Variants in NPAP1 observed in about 807,000 individuals in gnomAD.
NPAP1 encodes the protein nuclear pore-associated protein 1.
For missense variants in NPAP1, 1,483 were observed against 1,454.5 expected (o/e 1.02, Z -0.32); for synonymous variants, 616 against 581.4 (o/e 1.06, Z -0.86).
chr15:24,682,676 T>G lies in NPAP1; in HGVS notation c.*3338T>G, dbSNP rs896825123. 1.8e-5 allele frequency: 3 copies of G among 167,082 alleles called. No individual in the cohort carries two copies. In the East Asian group the frequency reaches 5.8e-4, roughly 32 times the overall value. The allele number at this position is 167,082 out of a possible 1,614,324, so 10.3% of individuals were successfully genotyped here. On this transcript the variant is annotated 3_prime_UTR_variant, in exon 1 of 1. Coordinates refer to ENST00000329468, the MANE Select transcript of NPAP1 (RefSeq NM_018958.3). ...TTTTACTTCAACTATTATGTTATCT[T>G]ACAGATGTCATTGTTTTTCCTAAAA...
rs779832276 is a variant in NPAP1 at position 24,678,865 on chromosome 15, A to T, written c.2998A>T (p.Asn1000Tyr). ...TGGAGACAGTACCTTACTGGTTGGAAATACTATTCCAGGCCCACAAGTGAT... is the reference window on the plus strand; with the variant it reads ...TGGAGACAGTACCTTACTGGTTGGATATACTATTCCAGGCCCACAAGTGAT... ...GTGDSTLLVG[N>Y]TIPGPQVIMG... is the part of the protein sequence containing the mutation. Residue 1000 changes from asparagine (N) to tyrosine (Y), a missense_variant, in exon 1 of 1, where the codon AAT becomes TAT. By Grantham distance (143) the Asn-to-Tyr change is moderately radical. Coordinates refer to ENST00000329468, the MANE Select transcript of NPAP1 (RefSeq NM_018958.3). The T allele has an allele frequency of 1.1e-5, 17 of 1,614,066 alleles. No homozygotes were observed. In the African/African-American group the frequency reaches 2.0e-4, roughly 19 times the overall value.
Position 24,678,142 on chromosome 15 carries a change from G to C in NPAP1, c.2275G>C (p.Ala759Pro), listed in dbSNP as rs376409389. The C allele has an allele frequency of 1.9e-6, 3 of 1,610,184 alleles. No individual in the cohort carries two copies. In the East Asian group the frequency reaches 6.7e-5, roughly 36 times the overall value. Residue 759 changes from alanine (A) to proline (P), a missense_variant, in exon 1 of 1, where the codon GCT (alanine) becomes CCT (proline). By Grantham distance (27) the Ala-to-Pro change is conservative (BLOSUM62 -1). Coordinates refer to ENST00000329468, the MANE Select transcript of NPAP1 (RefSeq NM_018958.3). ...PAQSVRAPAT[A>P]SNHPLNPGAT... is the part of the protein sequence containing the mutation. Reference sequence around the variant, plus strand: ...ACAGTCAGTCAGGGCACCAGCTACAGCTTCCAACCATCCTTTAAATCCAGG... The same window carrying C: ...ACAGTCAGTCAGGGCACCAGCTACACCTTCCAACCATCCTTTAAATCCAGG...
rs748239452 is a variant in NPAP1, at chr15:24,678,409, A to G, written c.2542A>G (p.Ile848Val). The change falls in exon 1 of 1, where the codon ATC (isoleucine) becomes GTC (valine). Residue 848 changes from isoleucine to valine, a missense_variant. Physicochemically the swap from Ile to Val is conservative, Grantham distance 29. Transcript: ENST00000329468. ...STFVSRKEEY[I>V]RFYMGLPGSG... ...CTTTGTCTCCAGGAAGGAGGAGTAC[A>G]TCCGATTTTATATGGGGCTTCCTGG... 1.2e-5 allele frequency: 20 copies of G among 1,611,196 alleles called. No individual in the cohort carries two copies. Among genetic ancestry groups the G allele is most frequent in the Non-Finnish European group, 1.5e-5 (18 of 1,179,258 alleles).
Position 24,678,076 on chromosome 15 carries a change from G to A in NPAP1, c.2209G>A (p.Gly737Ser), listed in dbSNP as rs910298089. 3.1e-6 allele frequency: 5 copies of A among 1,613,626 alleles called. No individual in the cohort carries two copies. The highest frequency in any genetic ancestry group is 1.3e-5 in the African/African-American group (1 of 74,778). ...TGGTTCTGGGAACACACAACCCAGCGGCAACACTGCCTCAGTCCAAGGCTC... is the reference window on the plus strand; with the variant it reads ...TGGTTCTGGGAACACACAACCCAGCAGCAACACTGCCTCAGTCCAAGGCTC... ...LPGSGNTQPSGNTASVQGSTS... is the reference protein window; with the variant it reads ...LPGSGNTQPSSNTASVQGSTS... The change falls in exon 1 of 1, where the codon GGC (glycine) becomes AGC (serine). Residue 737 changes from glycine to serine, a missense_variant. Physicochemically the swap from Gly to Ser is moderately conservative, Grantham distance 56. Transcript: ENST00000329468.
chr15:24,677,985 C>T lies in NPAP1; in HGVS notation c.2118C>T (p.Ser706=), dbSNP rs2141311558. The part of the protein sequence containing the change: ...ETNAMHTTPP[S]KAVILQSASV... ...ATGCTATGCATACCACTCCTCCTTCCAAGGCTGTCATCTTGCAGTCTGCCT... is the reference window on the plus strand; with the variant it reads ...ATGCTATGCATACCACTCCTCCTTCTAAGGCTGTCATCTTGCAGTCTGCCT... The change falls in exon 1 of 1, where the codon TCC becomes TCT. Residue 706 remains serine, a synonymous_variant. Transcript: ENST00000329468. 6.2e-7 allele frequency: 1 copy of T among 1,613,922 alleles called. No individual in the cohort carries two copies. The highest frequency in any genetic ancestry group is 8.5e-7 in the Non-Finnish European group (1 of 1,180,006).
In NPAP1 at chr15:24,675,900, G is replaced by C. The variant is rs1162411246; in HGVS notation, c.33G>C (p.Gly11=). The C allele has an allele frequency of 1.3e-6, 2 of 1,578,060 alleles. No individual in the cohort carries two copies. The highest frequency in any genetic ancestry group is 1.7e-6 in the Non-Finnish European group (2 of 1,165,644). Residue 11 remains glycine (G), a synonymous_variant, in exon 1 of 1, where the codon GGG becomes GGC. Coordinates refer to ENST00000329468, the MANE Select transcript of NPAP1 (RefSeq NM_018958.3). The part of the protein sequence containing the change: MGNLLSKFRP[G]CRRRPLPGPG... ...ATTTACTTAGTAAATTTAGACCCGG[G>C]TGCCGCCGCCGGCCCCTGCCAGGGC...
rs1434072464 is a variant in NPAP1, at chr15:24,680,999, G to A, written c.*1661G>A. The A allele has an allele frequency of 6.0e-6, 1 of 167,076 alleles. No homozygotes were observed. Among genetic ancestry groups the A allele is most frequent in the Non-Finnish European group, 1.5e-5 (1 of 68,144 alleles). 10.3% of individuals were successfully genotyped at this position (167,076 alleles called of 1,614,324 possible). Reference sequence around the variant, plus strand: ...AAACGAAGCCTAGAGAGAAGCAGTTGAGCCAGATATATGAGCAAAGACCTT... The same window carrying A: ...AAACGAAGCCTAGAGAGAAGCAGTTAAGCCAGATATATGAGCAAAGACCTT... On this transcript the variant is annotated 3_prime_UTR_variant, in exon 1 of 1. Coordinates refer to ENST00000329468, the MANE Select transcript of NPAP1 (RefSeq NM_018958.3).
Position 24,677,237 on chromosome 15 carries a change from C to A in NPAP1, c.1370C>A (p.Thr457Lys). The A allele has an allele frequency of 6.2e-7, 1 of 1,614,104 alleles. No individual in the cohort carries two copies. The highest frequency in any genetic ancestry group is 8.5e-7 in the Non-Finnish European group (1 of 1,180,038). The change falls in exon 1 of 1, where the codon ACA (threonine) becomes AAA (lysine). Residue 457 changes from threonine (T) to lysine (K), a missense_variant. Coordinates refer to ENST00000329468, the MANE Select transcript of NPAP1 (RefSeq NM_018958.3). ...AAAATGGATGAGAAAATAGCATTCA[C>A]AATCCCTAACTCTCCTCTGGCTCTT... ...TPKMDEKIAF[T>K]IPNSPLALPA...
Position 24,678,975 on chromosome 15 carries a change from C to T in NPAP1, c.3108C>T (p.Leu1036=), listed in dbSNP as rs2141313844. 1 of 1,614,144 alleles carries T rather than the reference C, an allele frequency of 6.2e-7. No homozygotes were observed. The highest frequency in any genetic ancestry group is 8.5e-7 in the Non-Finnish European group (1 of 1,180,036). The change falls in exon 1 of 1, where the codon CTC becomes CTT. Residue 1036 remains leucine, a synonymous_variant. Transcript: ENST00000329468. Reference sequence around the variant, plus strand: ...GCCCCAGTTCCACATCAGGAGAACTCAACATTGGACAAGGACAGAGTGGGA... The same window carrying T: ...GCCCCAGTTCCACATCAGGAGAACTTAACATTGGACAAGGACAGAGTGGGA... The part of the protein sequence containing the change: ...APGPSSTSGE[L]NIGQGQSGTP...
Position 24,676,269 on chromosome 15 carries a change from G to A in NPAP1, c.402G>A (p.Ala134=), listed in dbSNP as rs2141307648. The A allele has an allele frequency of 2.6e-6, 4 of 1,518,800 alleles. No homozygotes were observed. In the South Asian group the frequency reaches 4.0e-5, roughly 15 times the overall value. 94.1% of individuals were successfully genotyped at this position (1,518,800 alleles called of 1,614,324 possible). A position where few individuals can be genotyped will look rare whatever the true frequency, so the allele number is the denominator to read the frequency against. The change falls in exon 1 of 1, where the codon GCG becomes GCA. Residue 134 remains alanine (A), a synonymous_variant. Coordinates refer to ENST00000329468, the MANE Select transcript of NPAP1 (RefSeq NM_018958.3). The stretch of plus-strand genomic sequence containing the variant: ...TGCTGCCTTCACCACGTGAGCCGGC[G>A]GTCAAGGCCAGGAAGCCCATCCCAG... ...TLLLPSPREP[A]VKARKPIPAT...
Position 24,676,838 on chromosome 15 carries a change from G to A in NPAP1, c.971G>A (p.Arg324Lys), listed in dbSNP as rs756200987. 1.9e-6 allele frequency: 3 copies of A among 1,613,126 alleles called. No homozygotes were observed. The highest frequency in any genetic ancestry group is 1.7e-6 in the Non-Finnish European group (2 of 1,180,024). ...GCTCCTCCCAGAGCTGCCCGCAACA[G>A]GCCCTGCAAAAGGAAAATGTCGATT... ...SAAPPRAARN[R>K]PCKRKMSIPL... The change falls in exon 1 of 1, where the codon AGG becomes AAG. Residue 324 changes from arginine to lysine, a missense_variant. Physicochemically the swap from Arg to Lys is conservative, Grantham distance 26. Transcript: ENST00000329468.
At position 24,676,374 on chromosome 15, in the gene NPAP1, C is replaced by G. The variant is rs764031857; in HGVS notation, c.507C>G (p.Ile169Met). 7 of 1,563,272 alleles carry G rather than the reference C, an allele frequency of 4.5e-6. No homozygotes were observed. The highest frequency in any genetic ancestry group is 6.0e-6 in the Non-Finnish European group (7 of 1,158,048). ...AGAAGGATGAGGATCCGGTGCAGAT[C>G]GAAGGGGAGGATGACGAGAAAAGGA... ...RVKKDEDPVQ[I>M]EGEDDEKRTP... Residue 169 changes from isoleucine to methionine, a missense_variant, in exon 1 of 1, where the codon ATC becomes ATG. By Grantham distance (10) the Ile-to-Met change is conservative. Transcript: ENST00000329468.
At chr15:24,676,038 C>CA in the NPAP1 span, 1 of 1,595,958 alleles carries the variant, frequency 6.3e-7, no homozygotes, top group South Asian at 1.1e-5. Context: ...ACGCCCGTCG[C>CA]AGGCCTTCAG....
At position 24,677,642 on chromosome 15, in the gene NPAP1, C is replaced by T. The variant is rs2141310803; in HGVS notation, c.1775C>T (p.Ser592Phe). The change falls in exon 1 of 1, where the codon TCC (serine) becomes TTC (phenylalanine). Residue 592 changes from serine (S) to phenylalanine (F), a missense_variant. Transcript: ENST00000329468. ...TCTCAGGTTGTTATTTTCACATCTT[C>T]CCTAAGCTCCAGAGTGAGCTCTCTC... is the stretch of plus-strand genomic sequence containing the variant. ...APSQVVIFTS[S>F]LSSRVSSLPN... The T allele has an allele frequency of 6.2e-7, 1 of 1,614,218 alleles. No homozygotes were observed. Among genetic ancestry groups the T allele is most frequent in the Non-Finnish European group, 8.5e-7 (1 of 1,180,032 alleles).
rs189182409 is a variant in NPAP1 at position 24,680,631 on chromosome 15, T to C, written c.*1293T>C. 1 of 166,880 alleles carries C rather than the reference T, an allele frequency of 6.0e-6. No individual in the cohort carries two copies. The highest frequency in any genetic ancestry group is 2.4e-5 in the African/African-American group (1 of 41,268). 10.3% of individuals were successfully genotyped at this position (166,880 alleles called of 1,614,324 possible). On this transcript the variant is annotated 3_prime_UTR_variant, in exon 1 of 1. Transcript: ENST00000329468. ...GTTTGTGTGTGTGTGTGTGTGTTTA[T>C]TGGTGAGTGTGGAGCAGATGAGCCC...
chr15:24,677,315 C>T lies in NPAP1; in HGVS notation c.1448C>T (p.Ser483Phe), dbSNP rs1425098429. The T allele has an allele frequency of 5.6e-6, 9 of 1,614,156 alleles. No homozygotes were observed. The highest frequency in any genetic ancestry group is 6.8e-6 in the Non-Finnish European group (8 of 1,180,028). Residue 483 changes from serine (S) to phenylalanine (F), a missense_variant, in exon 1 of 1, where the codon TCT becomes TTT. Transcript: ENST00000329468. The part of the protein sequence containing the change: ...LGDQSNEKGG[S>F]YNSVVGAAPL... The stretch of plus-strand genomic sequence containing the variant: ...GATCAGTCTAATGAGAAAGGAGGCT[C>T]TTATAATTCAGTCGTAGGAGCAGCG...
rs902827866 is a variant in NPAP1 at position 24,677,241 on chromosome 15, C to T, written c.1374C>T (p.Ile458=). The T allele has an allele frequency of 1.2e-6, 2 of 1,614,108 alleles. No homozygotes were observed. The highest frequency in any genetic ancestry group is 1.7e-6 in the Non-Finnish European group (2 of 1,180,044). ...TGGATGAGAAAATAGCATTCACAAT[C>T]CCTAACTCTCCTCTGGCTCTTCCTG... ...PKMDEKIAFT[I]PNSPLALPAD... The change falls in exon 1 of 1, where the codon ATC becomes ATT. Residue 458 remains isoleucine (I), a synonymous_variant. Coordinates refer to ENST00000329468, the MANE Select transcript of NPAP1 (RefSeq NM_018958.3).
At position 24,679,238 on chromosome 15, in the gene NPAP1, TGCAGCACACATGGACAGA is replaced by T. The variant is rs1234039216; in HGVS notation, c.3373_3390del (p.Gln1125_Glu1130del). 6.2e-7 allele frequency: 1 copy of T among 1,613,922 alleles called. No homozygotes were observed. The highest frequency in any genetic ancestry group is 8.5e-7 in the Non-Finnish European group (1 of 1,180,014). ...GTTCCTGCTTTTCAACAGTGCATCC[TGCAGCACACATGGACAGA>T]GAGAAAATTCTACACTTCAAGCACC... On this transcript the variant is annotated inframe_deletion, in exon 1 of 1. Coordinates refer to ENST00000329468, the MANE Select transcript of NPAP1 (RefSeq NM_018958.3).
chr15:24,683,071 A>T lies in NPAP1; in HGVS notation c.*3733A>T, dbSNP rs2049027355. On this transcript the variant is annotated 3_prime_UTR_variant, in exon 1 of 1. Transcript: ENST00000329468. ...CCTAAGTATTTGCCCTGGCATGCTT[A>T]TACTGGTCCAAGCATTAGGTCATAG... 1 of 172,540 alleles carries T rather than the reference A, an allele frequency of 5.8e-6. No homozygotes were observed. The highest frequency in any genetic ancestry group is 1.8e-4 in the East Asian group (1 of 5,574). 10.7% of individuals were successfully genotyped at this position (172,540 alleles called of 1,614,324 possible).
Sources: allele counts gnomAD v4.1 joint callset, GRCh38; gene constraint gnomAD v4.1.1; transcripts MANE v1.5; gene names NCBI Gene and HGNC (gene_info 2026-07-23, HGNC 2026-07-21).